The following EXOC4 variants were observed in gnomAD, a reference collection of about 807,000 sequenced individuals.
EXOC4 encodes exocyst complex component 4, also known as SEC8-like 1.
A neutral mutation model predicts 107.2 loss-of-function variants in EXOC4; 71 were observed. The observed-to-expected ratio is 0.66, with a 90% CI of 0.55 to 0.81. The LOEUF is 0.81. EXOC4 is among the 30% of genes least tolerant of loss of function. The probability of loss-of-function intolerance (pLI) is 0.00; values close to 1 mark genes in which losing one functional copy is unlikely to be tolerated. For synonymous variants in EXOC4, 456 were observed against 441.2 expected (o/e 1.03, Z -0.42); for missense variants, 1,108 against 1,189.6 (o/e 0.93, Z 1.01).
chr7:134,087,215 GAC>G, the EXOC4 span, among the ~76,000 whole-genome samples: 1 of 152,042 alleles, frequency 6.6e-6, no homozygotes, highest in African/African-American at 2.4e-5. Context: ...CCTTTTAAAA[GAC>G]AACCCTAACT....
At chr7:133,472,455 G>C (rs963949577) in intron 7 of EXOC4, among the ~76,000 whole-genome samples, 1 of 152,150 alleles carries the variant, frequency 6.6e-6, no homozygotes, top group African/African-American at 2.4e-5. Flanking sequence ...CTGGAAAGTA[G>C]TGAAAATAAG....
chr7:133,855,116 T>TATATAAATATATATAA (rs1798337710), intron 11 of EXOC4, among the ~76,000 whole-genome samples: 1 of 79,588 alleles, frequency 1.3e-5, no homozygotes, highest in African/African-American at 6.7e-5. Context: ...TATATATAAA[T>TATATAAATATATATAA]ATATATATAT....
chr7:134,099,293 C>T, the EXOC4 span, among the ~76,000 whole-genome samples: 1 of 151,950 alleles, frequency 6.6e-6, no homozygotes, highest in African/African-American at 2.4e-5. Flanking sequence ...TCATTTTCAC[C>T]ATCCGCCTCA....
intron 10 of EXOC4, among the ~76,000 whole-genome samples, chr7:133,661,773 A>G (rs1166665616): frequency 1.3e-5 from 2 of 150,828 alleles, no homozygotes; most frequent in Admixed American, 1.3e-4. Context: ...GGTGTCCAGC[A>G]GGAGTTTGAT....
intron 6 of EXOC4, among the ~76,000 whole-genome samples, chr7:133,364,164 C>A (rs771463295): frequency 2.0e-5 from 3 of 151,928 alleles, no homozygotes; most frequent in Admixed American, 6.6e-5. Flanking sequence ...CTCACTCTGT[C>A]GCTGAGGCTG....
intron 2 of EXOC4, among the ~76,000 whole-genome samples, chr7:133,277,475 G>A (rs549455683): frequency 1.3e-5 from 2 of 152,208 alleles, no homozygotes; most frequent in African/African-American, 4.8e-5. Context: ...ATTCTGAGTC[G>A]ATAACATCTT....
chr7:133,705,706 A>T (rs1394983216), intron 10 of EXOC4, among the ~76,000 whole-genome samples: 1 of 152,244 alleles, frequency 6.6e-6, no homozygotes, highest in Non-Finnish European at 1.5e-5. Flanking sequence ...AGTTGACTTC[A>T]TAATCGAGAT....
chr7:133,370,087 T>C (rs571887136), intron 6 of EXOC4, among the ~76,000 whole-genome samples: 21 of 152,090 alleles, frequency 1.4e-4, no homozygotes, highest in Admixed American at 4.6e-4. Flanking sequence ...CCACTGTGCC[T>C]GGCCTCCTTC....
intron 9 of EXOC4, among the ~76,000 whole-genome samples, chr7:133,497,865 C>T (rs1799507422): frequency 6.6e-6 from 1 of 152,108 alleles, no homozygotes; most frequent in Non-Finnish European, 1.5e-5. Flanking sequence ...TTCTCTATGG[C>T]TTTTATTTAA....
rs1399431804 is a variant in EXOC4 at position 134,064,758 on chromosome 7, G to A, written c.*230G>A. 9.7e-6 allele frequency: 3 copies of A among 308,348 alleles called. No homozygotes were observed. Among genetic ancestry groups the A allele is most frequent in the Admixed American group, 5.1e-5 (1 of 19,704 alleles). 19.1% of individuals were successfully genotyped at this position (308,348 alleles called of 1,614,324 possible). On this transcript the variant is annotated 3_prime_UTR_variant, in exon 18 of 18. Coordinates refer to ENST00000253861, the MANE Select transcript of EXOC4 (RefSeq NM_021807.4). ...CTACTTTAATGCAGTCAAATCTAAC[G>A]GGACTAGGGTGGGATAGGGAGGAAG...
At chr7:133,356,235 A>T (rs1796017400) in intron 5 of EXOC4, 95 bp from the exon 6 acceptor site, 1 of 1,214,770 alleles carries the variant, frequency 8.2e-7, no homozygotes, top group Admixed American at 2.2e-5. Flanking sequence ...TCTTTAAGAG[A>T]GTAATCAAGG....
At chr7:133,642,079 T>G (rs1226516655) in intron 10 of EXOC4, among the ~76,000 whole-genome samples, 1 of 152,224 alleles carries the variant, frequency 6.6e-6, no homozygotes, top group Non-Finnish European at 1.5e-5. Flanking sequence ...ACTTCAACAT[T>G]CAGTGGGAGT....
intron 9 of EXOC4, among the ~76,000 whole-genome samples, chr7:133,580,490 A>T (rs556574743): frequency 6.6e-6 from 1 of 152,236 alleles, no homozygotes; most frequent in Non-Finnish European, 1.5e-5. Context: ...TTTCTCTACA[A>T]CCTCGCCAAC....
intron 9 of EXOC4, among the ~76,000 whole-genome samples, chr7:133,537,508 T>A (rs1800296350): frequency 6.6e-6 from 1 of 152,164 alleles, no homozygotes; most frequent in Non-Finnish European, 1.5e-5. Context: ...TTTATCTTTC[T>A]AAGTCCACAC....
At chr7:133,943,177 C>T (rs1800471820) in intron 14 of EXOC4, among the ~76,000 whole-genome samples, 1 of 152,128 alleles carries the variant, frequency 6.6e-6, no homozygotes, top group Non-Finnish European at 1.5e-5. Context: ...TGCTGTAGAT[C>T]ATCACTGAGG....
chr7:133,797,788 G>A (rs190174161), intron 10 of EXOC4, among the ~76,000 whole-genome samples: 5 of 152,278 alleles, frequency 3.3e-5, no homozygotes, highest in African/African-American at 1.2e-4. Context: ...CATTTATTCA[G>A]CAAGTTCCTA....
intron 7 of EXOC4, among the ~76,000 whole-genome samples, chr7:133,474,761 C>T (rs932597784): frequency 3.9e-5 from 6 of 152,024 alleles, no homozygotes; most frequent in Non-Finnish European, 8.8e-5. Flanking sequence ...TAGTATTTAT[C>T]CACTATGTGT....
At chr7:133,996,034 CAT>C (rs1387673852) in intron 14 of EXOC4, among the ~76,000 whole-genome samples, 1 of 152,134 alleles carries the variant, frequency 6.6e-6, no homozygotes, top group Non-Finnish European at 1.5e-5. Context: ...AAAAGCAAAA[CAT>C]ATCAGAAATT....
chr7:133,596,405 C>G (rs1433008240), intron 9 of EXOC4, among the ~76,000 whole-genome samples: 1 of 152,220 alleles, frequency 6.6e-6, no homozygotes, highest in African/African-American at 2.4e-5. Flanking sequence ...AATAGAACTA[C>G]TTAAAATTAG....
Sources: gnomAD v4.1 joint callset for allele counts (sites outside exome capture counted in the v4.1 genomes callset) on GRCh38, gnomAD v4.1.1 for gene constraint, MANE v1.5 for transcripts, NCBI Gene and HGNC (gene_info 2026-07-23, HGNC 2026-07-21) for gene names.